Variants in RYR1 observed in about 807,000 individuals in gnomAD.
RYR1 encodes the protein ryanodine receptor 1.
RYR1 carries 342 observed loss-of-function variants against 583.5 expected under a neutral mutation model. That is an observed-to-expected ratio of 0.59 (90% CI 0.54 to 0.64). The LOEUF (loss-of-function observed/expected upper bound fraction) is 0.64. Among genes scored for constraint, RYR1 ranks in the 30% least tolerant of loss-of-function variants. The pLI, the probability that RYR1 is intolerant of heterozygous loss-of-function variation, is 0.00. For missense variants in RYR1, 6,032 were observed against 6,917.2 expected (o/e 0.87, Z 4.54); for synonymous variants, 2,791 against 2,822.5 (o/e 0.99, Z 0.35).
intron 79 of RYR1, 117 bp from the exon 80 acceptor site, chr19:38,535,024 C>T: frequency 3.5e-6 from 4 of 1,144,610 alleles, no homozygotes; most frequent in Non-Finnish European, 5.1e-6. Flanking sequence ...TGCATGCACA[C>T]CTTGGCACAC....
Position 38,496,613 on chromosome 19 carries a change from T to C in RYR1, c.6796+72T>C. The C allele has an allele frequency of 6.4e-7, 1 of 1,571,532 alleles. No homozygotes were observed. The highest frequency in any genetic ancestry group is 8.7e-7 in the Non-Finnish European group (1 of 1,144,810). ...GCACCCCGTCCAGGCCTGCCCCACT[T>C]TCCACCAGCTCACTCATTCAACAAA... On this transcript the variant is annotated intron_variant, in intron 41 of 105. Transcript: ENST00000359596. This position sits in a 1 kb window ranked among gnomAD's most constrained non-coding sequence, Gnocchi z 4.8.
chr19:38,523,001 C>G (rs1279475699), intron 67 of RYR1, 27 bp from the exon 68 acceptor site: 47 of 1,550,760 alleles, frequency 3.0e-5, no homozygotes, highest in Non-Finnish European at 4.0e-5. Flanking sequence ...CCCACCCCCT[C>G]CCTCACCTCC....
Position 38,525,371 on chromosome 19 carries a change from C to G in RYR1, c.10495C>G (p.Arg3499Gly), listed in dbSNP as rs147058802. ...SDQERTKKKR[R>G]GDRYSVQTSL... ...CCAGGAACGCACCAAGAAGAAGCGC[C>G]GGGGGGACCGGTACTCTGTGCAGAC... The change falls in exon 71 of 106, where the codon CGG (arginine) becomes GGG (glycine). Residue 3499 changes from arginine to glycine, a missense_variant. Arg to Gly is a moderately radical substitution (Grantham distance 125). Around this residue, in one of 11 missense-constraint regions of RYR1, gnomAD observed 1,493 missense variants for 1,715.5 expected, o/e 0.87. Transcript: ENST00000359596. 4 of 1,613,802 alleles carry G rather than the reference C, an allele frequency of 2.5e-6. No homozygotes were observed. The highest frequency in any genetic ancestry group is 3.4e-6 in the Non-Finnish European group (4 of 1,179,978).
In RYR1 at chr19:38,473,733, T is replaced by A. The variant is rs886054382; in HGVS notation, c.4122T>A (p.Asn1374Lys). ...AGGCGCAGCCCGCCAGGGCGGAGAA[T>A]GAGAAGGATGCCACCACCGAGAAGA... is the stretch of plus-strand genomic sequence containing the variant. ...GGEAQPARAE[N>K]EKDATTEKNK... Residue 1374 changes from asparagine to lysine, a missense_variant, in exon 28 of 106, where the codon AAT (asparagine) becomes AAA (lysine). Around this residue, in one of 11 missense-constraint regions of RYR1, gnomAD observed 2,627 missense variants for 2,961.3 expected, o/e 0.89. Coordinates refer to ENST00000359596, the MANE Select transcript of RYR1 (RefSeq NM_000540.3). 2.6e-6 allele frequency: 4 copies of A among 1,542,200 alleles called. No homozygotes were observed. In the African/African-American group the frequency reaches 5.6e-5, roughly 21 times the overall value.
At chr19:38,530,810 T>TC (rs1357714273) in intron 76 of RYR1, among the ~76,000 whole-genome samples, 3 of 137,256 alleles carry the variant, frequency 2.2e-5, no homozygotes, top group African/African-American at 9.7e-5. Context: ...TCTCTCTCTC[T>TC]TTTTTTTTTG....
chr19:38,564,933 A>G (rs749400859), intron 90 of RYR1, 26 bp from the exon 91 acceptor site: 31 of 1,560,382 alleles, frequency 2.0e-5, no homozygotes, highest in South Asian at 8.2e-5. Context: ...ACGGCGCCCT[A>G]TCCTGTCTGC....
chr19:38,521,304 G>GT (rs201952928), intron 67 of RYR1, among the ~76,000 whole-genome samples: 25 of 148,600 alleles, frequency 1.7e-4, no homozygotes, highest in East Asian at 6.0e-4. Context: ...AATAAGGTTT[G>GT]TTTTTTTTTA....
intron 58 of RYR1, among the ~76,000 whole-genome samples, chr19:38,508,998 C>T (rs1970604649): frequency 6.6e-6 from 1 of 152,076 alleles, no homozygotes; most frequent in African/African-American, 2.4e-5. Context: ...CTCTTACAGG[C>T]CACTAAGAAT....
chr19:38,527,081 A>C, intron 72 of RYR1, 29 bp downstream of exon 72: 1 of 1,612,474 alleles, frequency 6.2e-7, no homozygotes, highest in Non-Finnish European at 8.5e-7. Flanking sequence ...CAAGCAAAAG[A>C]AGCAAGTCAG....
intron 22 of RYR1, 149 bp from the exon 23 acceptor site, chr19:38,464,490 G>C: frequency 1.6e-6 from 1 of 635,324 alleles, no homozygotes; most frequent in South Asian, 1.8e-5. Flanking sequence ...CATGAAGCCT[G>C]AGGCCAGGAT....
Position 38,466,229 on chromosome 19 carries a change from C to T in RYR1, c.3009C>T (p.Gly1003=). Residue 1003 remains glycine (G), a synonymous_variant, in exon 24 of 106, where the codon GGC becomes GGT. Coordinates refer to ENST00000359596, the MANE Select transcript of RYR1 (RefSeq NM_000540.3). ...NVWARDRVGQ[G]WSYSAVQDIP... is the part of the protein sequence containing the mutation. ...GGGCCCGAGACCGCGTGGGCCAGGGCTGGAGCTACAGCGCAGTGCAGGACA... is the reference window on the plus strand; with the variant it reads ...GGGCCCGAGACCGCGTGGGCCAGGGTTGGAGCTACAGCGCAGTGCAGGACA... 2 of 1,613,460 alleles carry T rather than the reference C, an allele frequency of 1.2e-6. No individual in the cohort carries two copies. Among genetic ancestry groups the T allele is most frequent in the Non-Finnish European group, 1.7e-6 (2 of 1,179,950 alleles).
At chr19:38,527,561 A>G in intron 72 of RYR1, 86 bp from the exon 73 acceptor site, 2 of 1,557,936 alleles carry the variant, frequency 1.3e-6, no homozygotes, top group Non-Finnish European at 1.8e-6. Context: ...TCACCCATTG[A>G]GTCCTCCCAA....
rs1057520187 is a variant in RYR1, at chr19:38,567,806, G to C, written c.13548G>C (p.Glu4516Asp). The C allele has an allele frequency of 1.2e-5, 20 of 1,613,968 alleles. No individual in the cohort carries two copies. The highest frequency in any genetic ancestry group is 1.7e-5 in the Admixed American group (1 of 59,984). The part of the protein sequence containing the change: ...AENGEKEEVP[E>D]PTPEPPKKQA... ...ATGGGGAGAAGGAAGAAGTTCCCGA[G>C]CCCACACCAGAGCCCCCCAAGAAGC... The change falls in exon 93 of 106, where the codon GAG becomes GAC. Residue 4516 changes from glutamate (E) to aspartate (D), a missense_variant. By Grantham distance (45) the Glu-to-Asp change is conservative. Coordinates refer to ENST00000359596, the MANE Select transcript of RYR1 (RefSeq NM_000540.3).
chr19:38,536,727 T>C (rs1157485504), intron 82 of RYR1, 23 bp from the exon 83 acceptor site: 4 of 1,613,850 alleles, frequency 2.5e-6, no homozygotes, highest in Non-Finnish European at 3.4e-6. Flanking sequence ...TGCTTCCTCC[T>C]CCCATCCTGT....
intron 89 of RYR1, among the ~76,000 whole-genome samples, chr19:38,553,336 A>G (rs1328989329): frequency 7.2e-6 from 1 of 139,260 alleles, no homozygotes; most frequent in African/African-American, 2.7e-5. Flanking sequence ...CTCCATATCA[A>G]AAAAAAAAAA....
Position 38,490,607 on chromosome 19 carries a change from T to C in RYR1, c.6016-14T>C. 2 of 1,540,708 alleles carry C rather than the reference T, an allele frequency of 1.3e-6. No individual in the cohort carries two copies. The highest frequency in any genetic ancestry group is 1.1e-5 in the South Asian group (1 of 89,416). ...GATCTCAGACCCTCATTCTAATCTT[T>C]GACCTTCCCCTAGATCAATATGCTA... On this transcript the variant is annotated splice_polypyrimidine_tract_variant and intron_variant, in intron 36 of 105. Coordinates refer to ENST00000359596, the MANE Select transcript of RYR1 (RefSeq NM_000540.3).
chr19:38,496,674 A>C lies in RYR1; in HGVS notation c.6796+133A>C. 6.3e-6 allele frequency: 8 copies of C among 1,264,128 alleles called. No homozygotes were observed. 78.3% of individuals were successfully genotyped at this position (1,264,128 alleles called of 1,614,324 possible). A position where few individuals can be genotyped will look rare whatever the true frequency, so the allele number is the denominator to read the frequency against. ...CAACTGTGGTTCTGGCCCTGTAATG[A>C]GTAATGCTGGGGACACAATAGTGAC... On this transcript the variant is annotated intron_variant, in intron 41 of 105. Coordinates refer to ENST00000359596, the MANE Select transcript of RYR1 (RefSeq NM_000540.3). This position sits in a 1 kb window ranked among gnomAD's most constrained non-coding sequence, Gnocchi z 4.8.
chr19:38,506,129 C>A (rs1970436038), intron 54 of RYR1, among the ~76,000 whole-genome samples, 174 bp from the exon 55 acceptor site: 1 of 144,184 alleles, frequency 6.9e-6, no homozygotes, highest in Admixed American at 7.4e-5. Context: ...CTGCAAAGGG[C>A]AGAGGAGAGA....
intron 93 of RYR1, among the ~76,000 whole-genome samples, chr19:38,569,306 C>T (rs2907614): frequency 0.018 from 2,721 of 152,160 alleles, 85 homozygotes; most frequent in African/African-American, 0.06. Flanking sequence ...TGCACCTGGC[C>T]GAATATTTTT....
Sources: allele counts gnomAD v4.1 joint callset (sites outside exome capture counted in the v4.1 genomes callset), GRCh38; gene constraint gnomAD v4.1.1; regional missense constraint gnomAD v4.1.1; non-coding constraint Gnocchi (gnomAD v3.1); transcripts MANE v1.5; gene names NCBI Gene and HGNC (gene_info 2026-07-23, HGNC 2026-07-21).